Variants in WHRN observed in about 807,000 individuals in gnomAD.
The protein encoded by WHRN is whirlin.
Under a neutral mutation model 68.3 loss-of-function variants are expected in WHRN, and 41 were observed. The ratio of observed to expected loss-of-function variants is 0.60; its 90% confidence interval spans 0.47 to 0.78. WHRN has a LOEUF of 0.78. WHRN is among the 30% of genes least tolerant of loss of function. The pLI is 0.00. For missense variants in WHRN, 1,243 were observed against 1,244.7 expected, an observed-to-expected ratio of 1.00 and a Z score of 0.02; for synonymous variants, 560 against 561.3, an observed-to-expected ratio of 1.00 and a Z score of 0.03.
In WHRN at chr9:114,403,303, C is replaced by T. The variant is rs1589057203; in HGVS notation, c.2455G>A (p.Val819Met). 6.2e-7 allele frequency: 1 copy of T among 1,614,126 alleles called. No individual in the cohort carries two copies. The change falls in exon 11 of 12, where the codon GTG becomes ATG. Residue 819 changes from valine (V) to methionine (M), a missense_variant. Physicochemically the swap from Val to Met is conservative, Grantham distance 21 (BLOSUM62 1). Coordinates refer to ENST00000362057, the MANE Select transcript of WHRN (RefSeq NM_015404.4). The stretch of plus-strand genomic sequence containing the variant: ...CCCAGGGTGGCCGCACTTTTCTTCA[C>T]ACGGACCAGAGTGGACGTGGGCTCC... ...LLEPTSTLVRVKKSAATLGIA... is the reference protein window; with the variant it reads ...LLEPTSTLVRMKKSAATLGIA...
chr9:114,431,893 C>T (rs937301378), intron 3 of WHRN, among the ~76,000 whole-genome samples: 1 of 152,122 alleles, frequency 6.6e-6, no homozygotes, highest in South Asian at 2.1e-4. Context: ...AAGCCCAGAC[C>T]CACAGCTAAC....
chr9:114,420,197 C>T (rs1374543977), intron 7 of WHRN, among the ~76,000 whole-genome samples: 5 of 152,158 alleles, frequency 3.3e-5, no homozygotes, highest in African/African-American at 9.7e-5. Flanking sequence ...AAAATCCACA[C>T]GTTCTCCAAA....
chr9:114,461,644 T>G (rs1207153999), intron 3 of WHRN, among the ~76,000 whole-genome samples: 1 of 152,232 alleles, frequency 6.6e-6, no homozygotes, highest in African/African-American at 2.4e-5. Context: ...CTTCAGGGAC[T>G]TGGCATTTGC....
intron 3 of WHRN, among the ~76,000 whole-genome samples, chr9:114,437,492 C>T (rs1046714357): frequency 6.6e-6 from 1 of 151,590 alleles, no homozygotes; most frequent in Non-Finnish European, 1.5e-5. Flanking sequence ...ATGTTTGTGT[C>T]CCCCCCCAAA....
intron 1 of WHRN, among the ~76,000 whole-genome samples, chr9:114,480,695 G>A (rs1246219665): frequency 2.0e-5 from 3 of 152,148 alleles, no homozygotes; most frequent in Non-Finnish European, 4.4e-5. Flanking sequence ...TTGAATAAAT[G>A]ATAGAATTCA....
At chr9:114,484,796 A>G (rs1041405456) in intron 1 of WHRN, among the ~76,000 whole-genome samples, 9 of 152,236 alleles carry the variant, frequency 5.9e-5, no homozygotes, top group African/African-American at 2.2e-4. Context: ...ATAACTTGCT[A>G]CTTGGATTAA....
At position 114,408,004 on chromosome 9, in the gene WHRN, C is replaced by T. The variant is rs1184953863; in HGVS notation, c.1641G>A (p.Leu547=). The change falls in exon 8 of 12, where the codon CTG becomes CTA. Residue 547 remains leucine (L), a synonymous_variant. Coordinates refer to ENST00000362057, the MANE Select transcript of WHRN (RefSeq NM_015404.4). ...CCTGGACAGCCTCGCCAGTTTCCTC[C>T]AGGTCCAGAGTGTTCTAGAAATGGA... The part of the protein sequence containing the change: ...TVSSARNTLD[L]EETGEAVQGN... 2.5e-6 allele frequency: 4 copies of T among 1,602,268 alleles called. No homozygotes were observed. The highest frequency in any genetic ancestry group is 3.4e-6 in the Non-Finnish European group (4 of 1,173,714).
chr9:114,455,575 ATGGTGG>A (rs1839712894), intron 3 of WHRN, among the ~76,000 whole-genome samples: 1 of 150,594 alleles, frequency 6.6e-6, no homozygotes, highest in African/African-American at 2.4e-5. Context: ...TTAGCCACAT[ATGGTGG>A]TGCATGCCTG....
At chr9:114,486,362 T>C (rs1589245452) in intron 1 of WHRN, among the ~76,000 whole-genome samples, 2 of 152,202 alleles carry the variant, frequency 1.3e-5, no homozygotes, top group Admixed American at 6.6e-5. Context: ...ACTTCTGTGA[T>C]TGTGCTGCCG....
Position 114,407,803 on chromosome 9 carries a change from G to A in WHRN, c.1698+144C>T, listed in dbSNP as rs1324125842. 4.2e-6 allele frequency: 3 copies of A among 714,148 alleles called. No individual in the cohort carries two copies. In the East Asian group the frequency reaches 8.1e-5, roughly 19 times the overall value. 44.2% of individuals were successfully genotyped at this position (714,148 alleles called of 1,614,324 possible). On this transcript the variant is annotated intron_variant, in intron 8 of 11. Transcript: ENST00000362057. ...TGGTGAGCTTGTGCACAGACCTGTA[G>A]CTGGGTGTGAGAGCTCATGGCAGAG...
At position 114,486,927 on chromosome 9, in the gene WHRN, A is replaced by T. The variant is rs1407732568; in HGVS notation, c.619-8156T>A. Among the ~76,000 whole-genome samples, 12 of 114,992 alleles carry T rather than the reference A, an allele frequency of 1.0e-4. 1 individual carries two copies. In the South Asian group the frequency reaches 1.7e-3, roughly 17 times the overall value. The allele number at this position is 114,992 out of a possible 152,430, so 75.4% of individuals were successfully genotyped here. ...GTGTAGAGTGTGTGTGTGTGTGTAG[A>T]GTGTGTGTGTGTGTTGTGTGTGTGT... On this transcript the variant is annotated intron_variant, in intron 1 of 11. Transcript: ENST00000362057.
intron 1 of WHRN, among the ~76,000 whole-genome samples, chr9:114,480,674 C>A (rs1274331176): frequency 6.6e-6 from 1 of 152,140 alleles, no homozygotes; most frequent in Non-Finnish European, 1.5e-5. Context: ...ATGGCAGCAC[C>A]ATCTGGCTGT....
chr9:114,414,964 C>T (rs1835706441), intron 7 of WHRN, among the ~76,000 whole-genome samples: 1 of 152,146 alleles, frequency 6.6e-6, no homozygotes. Context: ...CCACCTTGCA[C>T]CTCTGGGCTC....
intron 3 of WHRN, among the ~76,000 whole-genome samples, chr9:114,447,677 A>G (rs1664631389): frequency 6.6e-6 from 1 of 152,058 alleles, no homozygotes; most frequent in Non-Finnish European, 1.5e-5. Context: ...AAGAGATGGG[A>G]CCCTTAAAAG....
chr9:114,445,906 G>T (rs1250242659), intron 3 of WHRN, among the ~76,000 whole-genome samples: 1 of 152,114 alleles, frequency 6.6e-6, no homozygotes, highest in Non-Finnish European at 1.5e-5. Context: ...CTGACTTCAA[G>T]GGAATGGTTA....
chr9:114,403,308 A>G lies in WHRN; in HGVS notation c.2450T>C (p.Val817Ala), dbSNP rs1834802305. 6.2e-7 allele frequency: 1 copy of G among 1,613,928 alleles called. No homozygotes were observed. Among genetic ancestry groups the G allele is most frequent in the Non-Finnish European group, 8.5e-7 (1 of 1,180,030 alleles). ...GGTGGCCGCACTTTTCTTCACACGG[A>G]CCAGAGTGGACGTGGGCTCCAGAAG... The part of the protein sequence containing the change: ...PGLLEPTSTL[V>A]RVKKSAATLG... The change falls in exon 11 of 12, where the codon GTC (valine) becomes GCC (alanine). Residue 817 changes from valine (V) to alanine (A), a missense_variant. Coordinates refer to ENST00000362057, the MANE Select transcript of WHRN (RefSeq NM_015404.4).
In WHRN at chr9:114,423,454, G is replaced by A. The variant is rs758197889; in HGVS notation, c.1486C>T (p.Leu496=). 142 of 1,614,014 alleles carry A rather than the reference G, an allele frequency of 8.8e-5. 1 individual carries two copies. The highest frequency in any genetic ancestry group is 6.0e-4 in the South Asian group (55 of 91,092). ...TTCATGGACTCAATCTCACGCCTCA[G>A]CACCAGGTGGTCGAAGCGTTCTAGG... ...QDLERFDHLV[L]RREIESMKAR... The change falls in exon 7 of 12, where the codon CTG becomes TTG. Residue 496 remains leucine (L), a synonymous_variant. Transcript: ENST00000362057.
chr9:114,434,356 G>A (rs1346447028), intron 3 of WHRN, among the ~76,000 whole-genome samples: 2 of 152,088 alleles, frequency 1.3e-5, no homozygotes, highest in African/African-American at 4.8e-5. Context: ...CTGCAATAAT[G>A]GAAATGTTCT....
intron 2 of WHRN, among the ~76,000 whole-genome samples, chr9:114,474,337 C>G (rs937234860): frequency 6.6e-6 from 1 of 152,170 alleles, no homozygotes; most frequent in Non-Finnish European, 1.5e-5. Context: ...TGCTAAAGGT[C>G]TTTGCATACC....
Sources: allele counts gnomAD v4.1 joint callset (sites outside exome capture counted in the v4.1 genomes callset), GRCh38; gene constraint gnomAD v4.1.1; transcripts MANE v1.5; gene names NCBI Gene and HGNC (gene_info 2026-07-23, HGNC 2026-07-21).